FYCO1: variants seen among roughly 807,000 people sequenced by gnomAD.
FYCO1 encodes FYVE and coiled-coil domain-containing protein 1.
Under a neutral mutation model 165.1 loss-of-function variants are expected in FYCO1, and 122 were observed. The observed-to-expected ratio is 0.74, with a 90% CI of 0.64 to 0.86. The LOEUF (loss-of-function observed/expected upper bound fraction) is 0.86. Ranked by LOEUF, FYCO1 falls within the 40% of genes least tolerant of loss-of-function variation. The pLI is 0.00. For synonymous variants in FYCO1, 648 were observed against 742.5 expected (o/e 0.87, Z 2.07); for missense variants, 1,702 against 1,810.3 (o/e 0.94, Z 1.09).
rs1460546754 is a variant in FYCO1, at chr3:45,995,803, A to T, written c.-194T>A. The T allele has an allele frequency of 6.6e-6, 1 of 152,656 alleles. No individual in the cohort carries two copies. The highest frequency in any genetic ancestry group is 2.4e-5 in the African/African-American group (1 of 41,462). The allele number at this position is 152,656 out of a possible 1,614,324, so 9.5% of individuals were successfully genotyped here. A position where few individuals can be genotyped will look rare whatever the true frequency, so the allele number is the denominator to read the frequency against. ...GGACGGGAACGCGGTGCTGACGGCC[A>T]TGACGCGCACACCAAGAGGGTGGCG... is the stretch of plus-strand genomic sequence containing the variant. On this transcript the variant is annotated 5_prime_UTR_variant, in exon 1 of 18. It removes an upstream start codon present in the reference 5' UTR. Transcript: ENST00000296137.
In FYCO1 at chr3:45,932,643, T is replaced by C. The variant is rs544797064; in HGVS notation, c.4041-1362A>G. 2.0e-5 allele frequency among the ~76,000 whole-genome samples: 3 copies of C among 152,306 alleles called. No homozygotes were observed. The South Asian group carries it at 6.2e-4, about 32-fold the overall frequency. On this transcript the variant is annotated intron_variant, in intron 15 of 17. Coordinates refer to ENST00000296137, the MANE Select transcript of FYCO1 (RefSeq NM_024513.4). ...GCGCAGCAAGTGGTGGTGCTGAGCG[T>C]TCATCTGCCTCCAAAGCTGTGGAGA...
intron 17 of FYCO1, 46 bp downstream of exon 17, chr3:45,923,609 GA>G (rs1180532656): frequency 8.5e-7 from 1 of 1,172,198 alleles, no homozygotes; most frequent in Non-Finnish European, 1.3e-6. Context: ...TAGAAGAGGT[GA>G]AAGAGAGGCC....
chr3:45,975,913 G>A (rs1706729554), intron 4 of FYCO1, among the ~76,000 whole-genome samples: 1 of 152,220 alleles, frequency 6.6e-6, no homozygotes, highest in Non-Finnish European at 1.5e-5. Context: ...CAAGGGCAGA[G>A]GTGCGTGAGT....
At chr3:45,942,165 C>G (rs1431775563) in intron 14 of FYCO1, among the ~76,000 whole-genome samples, 1 of 152,230 alleles carries the variant, frequency 6.6e-6, no homozygotes, top group Non-Finnish European at 1.5e-5. Flanking sequence ...TATCAGGGCC[C>G]CCTGGCACAG....
intron 14 of FYCO1, among the ~76,000 whole-genome samples, chr3:45,939,298 G>A (rs566790249): frequency 6.6e-6 from 1 of 152,216 alleles, no homozygotes; most frequent in Admixed American, 6.5e-5. Flanking sequence ...GTTTTCTTCT[G>A]TCCCAAATGC....
chr3:45,945,399 C>A (rs997032221), intron 14 of FYCO1: 1 of 152,266 alleles, frequency 6.6e-6, no homozygotes, highest in South Asian at 2.1e-4. Context: ...GCCGCAGCTG[C>A]CCCTGCTCCC....
At chr3:45,951,820 T>C (rs1705049922) in intron 14 of FYCO1, among the ~76,000 whole-genome samples, 1 of 152,092 alleles carries the variant, frequency 6.6e-6, no homozygotes, top group Non-Finnish European at 1.5e-5. Flanking sequence ...TCAGGCCACA[T>C]CTCCCTGGCA....
chr3:45,975,451 T>G, intron 4 of FYCO1, 106 bp from the exon 5 acceptor site: 1 of 790,760 alleles, frequency 1.3e-6, no homozygotes, highest in Admixed American at 2.0e-5. Flanking sequence ...GCAAAAAATG[T>G]CACCCAATTT....
At chr3:45,933,906 A>C (rs1703757332) in intron 15 of FYCO1, among the ~76,000 whole-genome samples, 1 of 152,212 alleles carries the variant, frequency 6.6e-6, no homozygotes, top group African/African-American at 2.4e-5. Context: ...AAACAATAAA[A>C]CAGTGGAAAA....
intron 1 of FYCO1, 109 bp from the exon 2 acceptor site, chr3:45,985,131 C>A: frequency 1.6e-6 from 1 of 643,556 alleles, no homozygotes; most frequent in South Asian, 1.7e-5. Context: ...TGGGTGTATT[C>A]CCTCAACAGG....
chr3:45,969,620 G>A, intron 7 of FYCO1, 55 bp downstream of exon 7: 1 of 1,417,366 alleles, frequency 7.1e-7, no homozygotes, highest in Non-Finnish European at 1.0e-6. Flanking sequence ...CTAGGGGCAA[G>A]GACATACCCT....
intron 1 of FYCO1, among the ~76,000 whole-genome samples, chr3:45,995,511 G>A (rs1389834220): frequency 6.6e-6 from 1 of 152,250 alleles, no homozygotes. Flanking sequence ...AGGCAGGCTG[G>A]GTGCCTGGGC....
In FYCO1 at chr3:45,931,303, G is replaced by T. The variant is rs372917206; in HGVS notation, c.4041-22C>A. On this transcript the variant is annotated intron_variant, in intron 15 of 17. Coordinates refer to ENST00000296137, the MANE Select transcript of FYCO1 (RefSeq NM_024513.4). ...GATCCTAAAATAAAAATACAGAGAGGGACCTGATTGACTGGGCAAAGTGTT... is the reference window on the plus strand; with the variant it reads ...GATCCTAAAATAAAAATACAGAGAGTGACCTGATTGACTGGGCAAAGTGTT... 8 of 1,609,110 alleles carry T rather than the reference G, an allele frequency of 5.0e-6. No individual in the cohort carries two copies. The African/African-American group carries it at 1.1e-4, about 22-fold the overall frequency.
intron 7 of FYCO1, 143 bp downstream of exon 7, chr3:45,969,532 G>A (rs1246021267): frequency 1.3e-5 from 9 of 669,480 alleles, no homozygotes; most frequent in East Asian, 2.8e-5. Flanking sequence ...CCAGACTCCC[G>A]GGAACAGCAG....
At chr3:45,938,216 G>C (rs1026790060) in intron 14 of FYCO1, 1 of 1,289,118 alleles carries the variant, frequency 7.8e-7, no homozygotes, top group South Asian at 1.2e-5. Flanking sequence ...ATGATTCACA[G>C]AGCAGGTTTC....
chr3:45,984,650 C>A (rs1484642500), intron 2 of FYCO1: 4 of 664,302 alleles, frequency 6.0e-6, no homozygotes, highest in Admixed American at 2.2e-5. Context: ...CTTTACAGTT[C>A]TCTGAAAGGA....
rs182624593 is a variant in FYCO1, at chr3:45,920,218, G to C, written c.*1547C>G. 6.6e-6 allele frequency: 1 copy of C among 152,466 alleles called. No individual in the cohort carries two copies. Among genetic ancestry groups the C allele is most frequent in the East Asian group, 1.9e-4 (1 of 5,194 alleles). The allele number at this position is 152,466 out of a possible 1,614,324, so 9.4% of individuals were successfully genotyped here. ...GCTGCTGGTGTGTGGTGGGTTTGGG[G>C]TCTCTGTTGGACTTGGCCTGGAGTC... On this transcript the variant is annotated 3_prime_UTR_variant, in exon 18 of 18. Coordinates refer to ENST00000296137, the MANE Select transcript of FYCO1 (RefSeq NM_024513.4).
In FYCO1 at chr3:45,967,537, CTG is replaced by C; in HGVS notation, c.1795_1796del (p.Gln599ValfsTer33). 4 of 1,613,936 alleles carry C rather than the reference CTG, an allele frequency of 2.5e-6. No individual in the cohort carries two copies. The highest frequency in any genetic ancestry group is 3.4e-6 in the Non-Finnish European group (4 of 1,179,970). Reference sequence around the variant, plus strand: ...CCTCTTGCACCTTGGTATCGTCTAACTGTGCCTCCTGCAGGCCCCTCTGCTCC... The same window carrying C: ...CCTCTTGCACCTTGGTATCGTCTAACTGCCTCCTGCAGGCCCCTCTGCTCC... ...EEEQRGLQEA[Q>X]LDDTKVQEGS... is the part of the protein sequence containing the mutation. On this transcript the variant is annotated frameshift_variant, in exon 8 of 18. Coordinates refer to ENST00000296137, the MANE Select transcript of FYCO1 (RefSeq NM_024513.4). LOFTEE classifies it high-confidence loss of function.
intron 6 of FYCO1, among the ~76,000 whole-genome samples, chr3:45,971,922 C>T (rs1378011102): frequency 1.3e-5 from 2 of 152,030 alleles, no homozygotes; most frequent in Non-Finnish European, 2.9e-5. Context: ...AGTTATATAA[C>T]AGGATGTCCT....
Sources: allele counts gnomAD v4.1 joint callset (sites outside exome capture counted in the v4.1 genomes callset), GRCh38; gene constraint gnomAD v4.1.1; transcripts MANE v1.5; gene names NCBI Gene and HGNC (gene_info 2026-07-23, HGNC 2026-07-21).